ARHGAP17: variants seen among roughly 807,000 people sequenced by gnomAD.
The protein encoded by ARHGAP17 is rho GTPase-activating protein 17.
ARHGAP17 carries 57 observed loss-of-function variants against 99.5 expected under a neutral mutation model. That is an observed-to-expected ratio of 0.57 (90% CI 0.46 to 0.71). ARHGAP17 has a LOEUF of 0.71. Among genes scored for constraint, ARHGAP17 ranks in the 30% least tolerant of loss-of-function variants. The probability of loss-of-function intolerance (pLI) is 0.00; values close to 1 mark genes in which losing one functional copy is unlikely to be tolerated. For missense variants in ARHGAP17, 1,000 were observed against 1,122.4 expected, an observed-to-expected ratio of 0.89 and a Z score of 1.56; for synonymous variants, 417 against 429.6, an observed-to-expected ratio of 0.97 and a Z score of 0.36.
chr16:24,964,375 C>T (rs2141288444), intron 6 of ARHGAP17, 67 bp from the exon 7 acceptor site: 1 of 1,098,466 alleles, frequency 9.1e-7, no homozygotes, highest in Non-Finnish European at 1.4e-6. Flanking sequence ...GGAGGCAGGA[C>T]CTGGTGGAGA....
In ARHGAP17 at chr16:24,924,446, T is replaced by TG. The variant is rs1163913294; in HGVS notation, c.2516-4187_2516-4186insC. On this transcript the variant is annotated intron_variant, in intron 19 of 19. Coordinates refer to ENST00000289968, the MANE Select transcript of ARHGAP17 (RefSeq NM_001006634.3). ...TTTATTGGAGGTCTCTTTTCTGTTT[T>TG]TTTTTTTTTTAAATAAAATATCTAC... is the stretch of plus-strand genomic sequence containing the variant. Among the ~76,000 whole-genome samples the TG allele has an allele frequency of 9.3e-5, 14 of 150,226 alleles. 1 individual carries two copies. The highest frequency in any genetic ancestry group is 1.3e-4 in the Non-Finnish European group (9 of 67,296).
intron 1 of ARHGAP17, among the ~76,000 whole-genome samples, chr16:24,989,549 G>A (rs1294141112): frequency 6.6e-6 from 1 of 152,086 alleles, no homozygotes; most frequent in Non-Finnish European, 1.5e-5. Context: ...CCAGAAAACG[G>A]GAATCTATAG....
chr16:25,011,077 CCTCTA>C (rs1468132811), intron 1 of ARHGAP17, among the ~76,000 whole-genome samples: 1 of 152,180 alleles, frequency 6.6e-6, no homozygotes, highest in African/African-American at 2.4e-5. Context: ...TGTACTCCTT[CCTCTA>C]CTCAAGACAT....
intron 1 of ARHGAP17, among the ~76,000 whole-genome samples, chr16:24,996,741 C>T (rs1003617000): frequency 3.9e-5 from 6 of 152,028 alleles, no homozygotes; most frequent in Non-Finnish European, 7.4e-5. Flanking sequence ...ATCTAATTTA[C>T]AGATTGGAAA....
chr16:24,992,348 T>C (rs947833175), intron 1 of ARHGAP17, among the ~76,000 whole-genome samples: 6 of 152,156 alleles, frequency 3.9e-5, no homozygotes, highest in African/African-American at 1.4e-4. Flanking sequence ...TCTTTTTCTT[T>C]TTTTTGGAGA....
intron 4 of ARHGAP17, among the ~76,000 whole-genome samples, chr16:24,969,929 A>G (rs1413137428): frequency 6.6e-6 from 1 of 152,216 alleles, no homozygotes; most frequent in South Asian, 2.1e-4. Context: ...AGCCAGAGAG[A>G]GCAGACAGGG....
rs200291801 is a variant in ARHGAP17, at chr16:24,941,974, G to C, written c.1490+13C>G. 1 of 1,613,682 alleles carries C rather than the reference G, an allele frequency of 6.2e-7. No individual in the cohort carries two copies. The highest frequency in any genetic ancestry group is 8.5e-7 in the Non-Finnish European group (1 of 1,179,876). ...ATTTACTGCTGGTTTGGAAGTGAAC[G>C]GTCAAATCATACCTTTCCTTCTTCA... is the stretch of plus-strand genomic sequence containing the variant. On this transcript the variant is annotated intron_variant, in intron 16 of 19. Coordinates refer to ENST00000289968, the MANE Select transcript of ARHGAP17 (RefSeq NM_001006634.3).
intron 19 of ARHGAP17, chr16:24,927,603 C>T (rs538369504): frequency 5.9e-6 from 4 of 679,418 alleles, no homozygotes; most frequent in Non-Finnish European, 8.1e-6. Flanking sequence ...TTAGGGTGGC[C>T]AGTTAGTAAC....
chr16:24,952,908 T>G, intron 11 of ARHGAP17, 23 bp downstream of exon 11: 1 of 1,608,776 alleles, frequency 6.2e-7, no homozygotes. Flanking sequence ...TGACTTGATT[T>G]GCAGACACTC....
chr16:24,994,959 G>A (rs1228793512), intron 1 of ARHGAP17, among the ~76,000 whole-genome samples: 3 of 152,122 alleles, frequency 2.0e-5, no homozygotes, highest in Admixed American at 6.5e-5. Flanking sequence ...ACTCAGTTCC[G>A]CAGGGCTGGG....
At chr16:24,987,274 G>A (rs562793363) in intron 1 of ARHGAP17, among the ~76,000 whole-genome samples, 2 of 152,218 alleles carry the variant, frequency 1.3e-5, no homozygotes, top group Admixed American at 6.5e-5. Flanking sequence ...ATTATCGTAC[G>A]TCATGAACTA....
intron 16 of ARHGAP17, 70 bp downstream of exon 16, chr16:24,941,917 A>G: frequency 6.2e-7 from 1 of 1,606,420 alleles, no homozygotes. Context: ...AAGTCCACTG[A>G]GCGATACCAG....
chr16:24,952,928 C>T lies in ARHGAP17; in HGVS notation c.964+3G>A. The T allele has an allele frequency of 6.2e-7, 1 of 1,613,912 alleles. No individual in the cohort carries two copies. The highest frequency in any genetic ancestry group is 8.5e-7 in the Non-Finnish European group (1 of 1,179,824). The stretch of plus-strand genomic sequence containing the variant: ...TGATTTGCAGACACTCTTTGGCGCT[C>T]ACCTGCTACAGCATGGGGGTCTGAA... On this transcript the variant is annotated splice_donor_region_variant and intron_variant, in intron 11 of 19. Transcript: ENST00000289968.
chr16:24,996,417 C>T (rs1210804806), intron 1 of ARHGAP17, among the ~76,000 whole-genome samples: 3 of 152,184 alleles, frequency 2.0e-5, no homozygotes, highest in Non-Finnish European at 4.4e-5. Context: ...TCTAGCATTT[C>T]ATCATATCTG....
At chr16:25,001,853 G>A (rs1303816554) in intron 1 of ARHGAP17, among the ~76,000 whole-genome samples, 3 of 152,122 alleles carry the variant, frequency 2.0e-5, no homozygotes, top group East Asian at 3.9e-4. Flanking sequence ...GGAGACCAAG[G>A]TAGGAGGATC....
chr16:25,014,280 C>T (rs1319161255), intron 1 of ARHGAP17, among the ~76,000 whole-genome samples: 1 of 152,184 alleles, frequency 6.6e-6, no homozygotes, highest in Non-Finnish European at 1.5e-5. Context: ...TGAATAAACA[C>T]TAAATCGGTA....
chr16:24,972,999 A>C (rs1448043800), intron 3 of ARHGAP17, among the ~76,000 whole-genome samples: 2 of 150,882 alleles, frequency 1.3e-5, no homozygotes, highest in Non-Finnish European at 2.9e-5. Context: ...CAGTGACGCG[A>C]TCTCAGCTCA....
intron 13 of ARHGAP17, among the ~76,000 whole-genome samples, chr16:24,948,224 G>A (rs1309132096): frequency 6.6e-6 from 1 of 152,190 alleles, no homozygotes; most frequent in African/African-American, 2.4e-5. Context: ...AAAAAGGTAA[G>A]GGGGAGAATG....
chr16:24,966,542 A>C (rs1185223206), intron 6 of ARHGAP17, among the ~76,000 whole-genome samples: 1 of 152,026 alleles, frequency 6.6e-6, no homozygotes. Flanking sequence ...CTGAGACAGG[A>C]GTATCGCTTG....
Sources: allele counts gnomAD v4.1 joint callset (sites outside exome capture counted in the v4.1 genomes callset), GRCh38; gene constraint gnomAD v4.1.1; transcripts MANE v1.5; gene names NCBI Gene and HGNC (gene_info 2026-07-23, HGNC 2026-07-21).